The following MCMBP variants were observed in gnomAD, a reference collection of about 807,000 sequenced individuals.
MCMBP encodes the protein minichromosome maintenance complex binding protein, also known as mini-chromosome maintenance complex-binding protein.
A neutral mutation model predicts 81.3 loss-of-function variants in MCMBP; 31 were observed. The ratio of observed to expected loss-of-function variants is 0.38; its 90% CI spans 0.29 to 0.51. The LOEUF is 0.51. Among genes scored for constraint, MCMBP ranks in the 20% least tolerant of loss-of-function variants. The pLI is 0.87. For synonymous variants in MCMBP, 267 were observed against 275.9 expected, an observed-to-expected ratio of 0.97 and a Z score of 0.32; for missense variants, 645 against 772.1, an observed-to-expected ratio of 0.84 and a Z score of 1.95.
intron 4 of MCMBP, among the ~76,000 whole-genome samples, chr10:119,858,514 T>G (rs1853131913): frequency 6.7e-6 from 1 of 149,596 alleles, no homozygotes; most frequent in African/African-American, 2.5e-5. Context: ...TTCATTAAAT[T>G]TCTGTATTAT....
chr10:119,862,168 G>A (rs575387102), intron 1 of MCMBP, among the ~76,000 whole-genome samples: 7 of 152,212 alleles, frequency 4.6e-5, no homozygotes, highest in East Asian at 1.9e-4. Context: ...TTAGCTAGGC[G>A]TGATGGTGTG....
intron 6 of MCMBP, 152 bp from the exon 7 acceptor site, chr10:119,849,728 T>A: frequency 1.6e-6 from 1 of 619,772 alleles, no homozygotes; most frequent in Non-Finnish European, 2.6e-6. Context: ...CAGCACATAC[T>A]AACAAAGTCT....
At position 119,830,084 on chromosome 10, in the gene MCMBP, A is replaced by AAAAT. The variant is rs1341117344; in HGVS notation, c.*1386_*1389dup. On this transcript the variant is annotated 3_prime_UTR_variant, in exon 16 of 16. Coordinates refer to ENST00000369077, the MANE Select transcript of MCMBP (RefSeq NM_001256378.2). ...TAAACATTATTTACATTTGTTTATA[A>AAAAT]AAATAGATTTGAGTTTAGGAAAAGT... 3.3e-5 allele frequency: 5 copies of AAAAT among 152,666 alleles called. No homozygotes were observed. Among genetic ancestry groups the AAAAT allele is most frequent in the Non-Finnish European group, 7.3e-5 (5 of 68,036 alleles). 9.5% of individuals were successfully genotyped at this position (152,666 alleles called of 1,614,324 possible).
chr10:119,867,641 G>C (rs895398511), intron 1 of MCMBP, among the ~76,000 whole-genome samples: 2 of 152,122 alleles, frequency 1.3e-5, no homozygotes, highest in African/African-American at 4.8e-5. Flanking sequence ...TTGGAACCGA[G>C]AACAAGTAAA....
At chr10:119,864,549 T>C (rs1220407205) in intron 1 of MCMBP, among the ~76,000 whole-genome samples, 2 of 152,092 alleles carry the variant, frequency 1.3e-5, no homozygotes, top group Non-Finnish European at 2.9e-5. Context: ...TTTTTTTCCT[T>C]TGCCAGTATG....
chr10:119,855,184 A>C (rs1368663675), intron 5 of MCMBP, among the ~76,000 whole-genome samples: 2 of 152,206 alleles, frequency 1.3e-5, no homozygotes, highest in East Asian at 3.8e-4. Context: ...GATTGTTGCA[A>C]GGGCGAAGGA....
intron 1 of MCMBP, among the ~76,000 whole-genome samples, 186 bp downstream of exon 1, chr10:119,872,341 T>A (rs1184477087): frequency 6.6e-6 from 1 of 151,932 alleles, no homozygotes; most frequent in East Asian, 2.0e-4. Context: ...GCCCGGCTCC[T>A]GCCCCTGCCT....
chr10:119,837,711 G>A (rs60995225), intron 12 of MCMBP, among the ~76,000 whole-genome samples: 16,539 of 152,140 alleles, frequency 0.11, 951 homozygotes, highest in South Asian at 0.17. Context: ...GTGAACCCGG[G>A]AGTTGGAGGT....
chr10:119,839,812 T>G (rs1274589064), intron 11 of MCMBP, among the ~76,000 whole-genome samples: 1 of 152,228 alleles, frequency 6.6e-6, no homozygotes, highest in Non-Finnish European at 1.5e-5. Context: ...CACCACCCAG[T>G]TATCTGCAAA....
chr10:119,836,683 T>C (rs1275335782), intron 13 of MCMBP, among the ~76,000 whole-genome samples: 1 of 151,674 alleles, frequency 6.6e-6, no homozygotes, highest in Non-Finnish European at 1.5e-5. Context: ...TGCTGATACC[T>C]GAGCTTGGTA....
At chr10:119,865,160 T>C (rs1395765947) in intron 1 of MCMBP, among the ~76,000 whole-genome samples, 1 of 152,210 alleles carries the variant, frequency 6.6e-6, no homozygotes, top group African/African-American at 2.4e-5. Context: ...CTATTTCTTC[T>C]TTTATTTCTG....
intron 9 of MCMBP, 50 bp from the exon 10 acceptor site, chr10:119,842,645 C>T: frequency 6.3e-7 from 1 of 1,578,940 alleles, no homozygotes; most frequent in Non-Finnish European, 8.6e-7. Context: ...CAGTTCCTCT[C>T]AAGTGTCTTA....
chr10:119,873,083 G>C (rs1330065853), upstream of MCMBP, among the ~76,000 whole-genome samples: 1 of 152,002 alleles, frequency 6.6e-6, no homozygotes, highest in Non-Finnish European at 1.5e-5. Flanking sequence ...CCCCTGGGCC[G>C]GCGTGTAGCG....
In MCMBP at chr10:119,832,971, C is replaced by T. The variant is rs114204134; in HGVS notation, c.1708-871G>A. On this transcript the variant is annotated intron_variant, in intron 14 of 15. Transcript: ENST00000369077. ...AGAAGGCTGCAGACATGCTCAGAGACCATAGCTCCCACCTCTGCATGACCT... is the reference window on the plus strand; with the variant it reads ...AGAAGGCTGCAGACATGCTCAGAGATCATAGCTCCCACCTCTGCATGACCT... Among the ~76,000 whole-genome samples the T allele has an allele frequency of 4.6e-3, 704 of 152,294 alleles. 6 individuals carry two copies. Among genetic ancestry groups the T allele is most frequent in the African/African-American group, 0.016 (652 of 41,552 alleles).
In MCMBP at chr10:119,849,497, A is replaced by G. The variant is rs1279774215; in HGVS notation, c.654T>C (p.Ser218=). Residue 218 remains serine (S), a synonymous_variant, in exon 7 of 16, where the codon TCT becomes TCC. Transcript: ENST00000369077. ...TEASTGQQLN[S]LNLSSPFDLN... is the part of the protein sequence containing the mutation. ...AATCAAAAGGAGAAGACAAGTTCAGAGAGTTCAGCTGTTGCCCAGTAGAAG... is the reference window on the plus strand; with the variant it reads ...AATCAAAAGGAGAAGACAAGTTCAGGGAGTTCAGCTGTTGCCCAGTAGAAG... 6.2e-7 allele frequency: 1 copy of G among 1,611,726 alleles called. No homozygotes were observed. Among genetic ancestry groups the G allele is most frequent in the Non-Finnish European group, 8.5e-7 (1 of 1,179,312 alleles).
intron 6 of MCMBP, among the ~76,000 whole-genome samples, chr10:119,850,797 C>A (rs951832467): frequency 6.7e-6 from 1 of 149,620 alleles, no homozygotes; most frequent in Non-Finnish European, 1.5e-5. Flanking sequence ...TATCCACTTC[C>A]TGGTTATGAC....
chr10:119,838,824 G>C (rs2134346748), intron 11 of MCMBP, 124 bp from the exon 12 acceptor site: 1 of 807,250 alleles, frequency 1.2e-6, no homozygotes, highest in South Asian at 2.6e-5. Context: ...TAAGGGAGTA[G>C]TGATATGGTT....
At chr10:119,846,718 A>T (rs78967065) in intron 8 of MCMBP, among the ~76,000 whole-genome samples, 1 of 152,182 alleles carries the variant, frequency 6.6e-6, no homozygotes, top group Non-Finnish European at 1.5e-5. Flanking sequence ...GAGTCTAACC[A>T]TGAGGAAACA....
intron 6 of MCMBP, among the ~76,000 whole-genome samples, chr10:119,852,789 G>A (rs1279404945): frequency 1.3e-5 from 2 of 152,212 alleles, no homozygotes; most frequent in Non-Finnish European, 2.9e-5. Context: ...AAATAAATAT[G>A]AAGATAGAAA....
Sources: gnomAD v4.1 joint callset for allele counts (sites outside exome capture counted in the v4.1 genomes callset) on GRCh38, gnomAD v4.1.1 for gene constraint, MANE v1.5 for transcripts, NCBI Gene and HGNC (gene_info 2026-07-23, HGNC 2026-07-21) for gene names.